The following SLC16A3 variants were observed in gnomAD, a reference collection of about 807,000 sequenced individuals.
SLC16A3 encodes the protein monocarboxylate transporter 4.
A neutral mutation model predicts 25.0 loss-of-function variants in SLC16A3; 22 were observed. The ratio of observed to expected loss-of-function variants is 0.88; its 90% CI spans 0.63 to 1.26. The LOEUF (loss-of-function observed/expected upper bound fraction) is 1.26, where lower values mean the gene tolerates loss of function less well. SLC16A3 is among the 50% of genes most tolerant of loss of function. The probability of loss-of-function intolerance (pLI) is 0.00; values close to 1 mark genes in which losing one functional copy is unlikely to be tolerated. For missense variants in SLC16A3, 731 were observed against 666.6 expected (o/e 1.10, Z -1.06); for synonymous variants, 390 against 309.2 (o/e 1.26, Z -2.74).
At position 82,240,028 on chromosome 17, in the gene SLC16A3, G is replaced by A. The variant is rs759563915; in HGVS notation, c.*1052G>A. 41 of 1,233,820 alleles carry A rather than the reference G, an allele frequency of 3.3e-5. No homozygotes were observed. The highest frequency in any genetic ancestry group is 1.3e-4 in the Admixed American group (3 of 23,730). 76.4% of individuals were successfully genotyped at this position (1,233,820 alleles called of 1,614,324 possible). ...ACGGCAGCGGGTGCCCTGGCGGGCC[G>A]CGTGCAGCCGGAGAGATGCCATGTC... On this transcript the variant is annotated 3_prime_UTR_variant, in exon 5 of 5. Coordinates refer to ENST00000582743, the MANE Select transcript of SLC16A3 (RefSeq NM_004207.4).
rs751924944 is a variant in SLC16A3, at chr17:82,236,086, C to T, written c.78C>T (p.Phe26=). The T allele has an allele frequency of 1.2e-5, 19 of 1,612,856 alleles. No individual in the cohort carries two copies. The highest frequency in any genetic ancestry group is 6.7e-5 in the African/African-American group (5 of 74,946). Residue 26 remains phenylalanine (F), a synonymous_variant, in exon 2 of 5, where the codon TTC becomes TTT. Coordinates refer to ENST00000582743, the MANE Select transcript of SLC16A3 (RefSeq NM_004207.4). ...PDGGWGWAVL[F]GCFVITGFSY... is the part of the protein sequence containing the mutation. ...GCGGCTGGGGCTGGGCCGTGCTCTT[C>T]GGCTGTTTCGTCATCACTGGCTTCT...
chr17:82,226,049 G>A (rs567012500), upstream of SLC16A3, among the ~76,000 whole-genome samples: 89 of 152,020 alleles, frequency 5.9e-4, no homozygotes, highest in Non-Finnish European at 1.2e-3. Flanking sequence ...GTGGGACTGC[G>A]CACCCCAGGG....
At position 82,236,107 on chromosome 17, in the gene SLC16A3, C is replaced by T. The variant is rs1245014395; in HGVS notation, c.99C>T (p.Gly33=). Residue 33 remains glycine, a synonymous_variant, in exon 2 of 5, where the codon GGC becomes GGT. Transcript: ENST00000582743. ...AVLFGCFVIT[G]FSYAFPKAVS... is the part of the protein sequence containing the mutation. ...TCTTCGGCTGTTTCGTCATCACTGG[C>T]TTCTCCTACGCCTTCCCCAAGGCCG... 3 of 1,613,074 alleles carry T rather than the reference C, an allele frequency of 1.9e-6. No homozygotes were observed. The highest frequency in any genetic ancestry group is 2.7e-5 in the African/African-American group (2 of 74,956).
At chr17:82,223,080 A>G (rs529473207) in intron 1 of SLC16A3, among the ~76,000 whole-genome samples, 1 of 152,320 alleles carries the variant, frequency 6.6e-6, no homozygotes, top group South Asian at 2.1e-4. Flanking sequence ...TTTTGAAACT[A>G]GACAGCTGGT....
rs533147045 is a variant in SLC16A3, at chr17:82,223,177, A to AATT, written c.-27+5009_-27+5011dup. On this transcript the variant is annotated intron_variant, in intron 1 of 4. Coordinates refer to the SLC16A3 transcript ENST00000580098. ...TACAAGAGCTCTACCTTAATTAATT[A>AATT]ATTATTATTATTATTATTTCTGAGA... is the stretch of plus-strand genomic sequence containing the variant. Among the ~76,000 whole-genome samples the AATT allele has an allele frequency of 4.6e-5, 7 of 151,874 alleles. No homozygotes were observed. In the East Asian group the frequency reaches 5.8e-4, roughly 13 times the overall value.
rs115305986 is a variant in SLC16A3 at position 82,234,437 on chromosome 17, T to A, written c.-26-1546T>A. 9.5e-3 allele frequency: 1,441 copies of A among 152,150 alleles called. 22 individuals are homozygous for A. Among genetic ancestry groups the A allele is most frequent in the African/African-American group, 0.033 (1,372 of 41,462 alleles). 9.4% of individuals were successfully genotyped at this position (152,150 alleles called of 1,614,324 possible). On this transcript the variant is annotated intron_variant, in intron 1 of 4. Coordinates refer to ENST00000582743, the MANE Select transcript of SLC16A3 (RefSeq NM_004207.4). ...GTTGGGGGGTGGACCTCTGGCTCTG[T>A]GGGGGGGTCTGTTCTGCTCCAGTGG...
intron 1 of SLC16A3, among the ~76,000 whole-genome samples, chr17:82,232,918 C>CGGGCG (rs1555787460): frequency 3.4e-4 from 16 of 47,246 alleles, no homozygotes; most frequent in Non-Finnish European, 5.6e-4. Context: ...TGGGGGGCGG[C>CGGGCG]GGGGGGGGGG....
chr17:82,233,994 CTG>C (rs1568535887), intron 1 of SLC16A3: 6 of 152,346 alleles, frequency 3.9e-5, no homozygotes, highest in South Asian at 2.1e-4. Context: ...GCGCCTGCCA[CTG>C]CGCCCAGCTA....
At chr17:82,222,237 C>T in intron 1 of SLC16A3, among the ~76,000 whole-genome samples, 3 of 111,326 alleles carry the variant, frequency 2.7e-5, no homozygotes, top group Admixed American at 9.1e-5. Flanking sequence ...ACTCCGCTCC[C>T]ACGTTCGTGG....
rs1274049134 is a variant in SLC16A3 at position 82,236,056 on chromosome 17, T to G, written c.48T>G (p.Pro16=). 1.2e-6 allele frequency: 2 copies of G among 1,612,774 alleles called. No individual in the cohort carries two copies. The highest frequency in any genetic ancestry group is 8.5e-7 in the Non-Finnish European group (1 of 1,179,828). ...VDEGPTGVKA[P]DGGWGWAVLF... is the part of the protein sequence containing the mutation. Reference sequence around the variant, plus strand: ...AGGGCCCCACAGGCGTCAAGGCCCCTGACGGCGGCTGGGGCTGGGCCGTGC... The same window carrying G: ...AGGGCCCCACAGGCGTCAAGGCCCCGGACGGCGGCTGGGGCTGGGCCGTGC... The change falls in exon 2 of 5, where the codon CCT becomes CCG. Residue 16 remains proline, a synonymous_variant. Coordinates refer to ENST00000582743, the MANE Select transcript of SLC16A3 (RefSeq NM_004207.4).
At position 82,235,730 on chromosome 17, in the gene SLC16A3, A is replaced by G. The variant is rs558711130; in HGVS notation, c.-26-253A>G. ...TAATCTGAGTCCTGGCCGAGCCCAA[A>G]AAAGCCACTGCCCTTTAGAGCCAGC... On this transcript the variant is annotated intron_variant, in intron 1 of 4. Transcript: ENST00000582743. The G allele has an allele frequency of 3.8e-5, 20 of 533,114 alleles. 1 individual carries two copies. The highest frequency in any genetic ancestry group is 3.6e-4 in the African/African-American group (19 of 52,830). The allele number at this position is 533,114 out of a possible 1,614,324, so 33.0% of individuals were successfully genotyped here. A position where few individuals can be genotyped will look rare whatever the true frequency, so the allele number is the denominator to read the frequency against.
At chr17:82,229,585 G>C (rs555853818) in intron 1 of SLC16A3, 15 of 152,552 alleles carry the variant, frequency 9.8e-5, no homozygotes, top group African/African-American at 3.6e-4. Flanking sequence ...GCAACACCCT[G>C]AACACTCCCC....
At position 82,236,721 on chromosome 17, in the gene SLC16A3, C is replaced by T. The variant is rs777650791; in HGVS notation, c.224-8C>T. 16 of 1,603,278 alleles carry T rather than the reference C, an allele frequency of 1.0e-5. No individual in the cohort carries two copies. Among genetic ancestry groups the T allele is most frequent in the Middle Eastern group, 1.7e-4 (1 of 5,746 alleles). ...GGCCCGGCCCCTCTCAGCTGCTGCC[C>T]TCTCCAGGTCCGCTCTGCAGTGTGT... On this transcript the variant is annotated splice_region_variant and splice_polypyrimidine_tract_variant and intron_variant, in intron 2 of 4. Coordinates refer to ENST00000582743, the MANE Select transcript of SLC16A3 (RefSeq NM_004207.4).
upstream of SLC16A3, among the ~76,000 whole-genome samples, chr17:82,227,491 C>T (rs991185569): frequency 2.0e-5 from 3 of 152,116 alleles, no homozygotes; most frequent in African/African-American, 4.8e-5. Flanking sequence ...GACCCATTCC[C>T]GCAGCTGTCC....
Position 82,237,707 on chromosome 17 carries a change from T to TCTACGGCGGGCGA in SLC16A3, c.947_959dup (p.Leu321ArgfsTer95), listed in dbSNP as rs750710126. 3.7e-6 allele frequency: 6 copies of TCTACGGCGGGCGA among 1,612,380 alleles called. No homozygotes were observed. Among genetic ancestry groups the TCTACGGCGGGCGA allele is most frequent in the African/African-American group, 1.3e-5 (1 of 75,038 alleles). The stretch of plus-strand genomic sequence containing the variant: ...CAACGGCCTCGCGGACCTGGCGGGT[T>TCTACGGCGGGCGA]CTACGGCGGGCGACTACGGCGGCCT... On this transcript the variant is annotated frameshift_variant, in exon 4 of 5. Transcript: ENST00000582743. LOFTEE classifies it high-confidence loss of function.
chr17:82,229,470 G>C (rs1284177687), intron 1 of SLC16A3: 1 of 152,342 alleles, frequency 6.6e-6, no homozygotes, highest in Admixed American at 6.5e-5. Flanking sequence ...GTGGCGGGGG[G>C]CGCGGGCTAT....
chr17:82,229,156 C>T (rs2147112887), intron 1 of SLC16A3, 50 bp downstream of exon 1: 1 of 151,830 alleles, frequency 6.6e-6, no homozygotes, highest in East Asian at 2.0e-4. Flanking sequence ...AGGAGCTCCC[C>T]CGTGCCGGGC....
chr17:82,236,777 TG>T lies in SLC16A3; in HGVS notation c.273del (p.Met91IlefsTer47). The T allele has an allele frequency of 1.2e-6, 2 of 1,609,074 alleles. No homozygotes were observed. The highest frequency in any genetic ancestry group is 8.5e-7 in the Non-Finnish European group (1 of 1,179,836). ...AACCGCTTTGGCTGCCGGCCCGTCA[TG>T]CTTGTGGGGGGTCTCTTTGCGTCGC... ...CVNRFGCRPV[M>X]LVGGLFASLG... On this transcript the variant is annotated frameshift_variant, in exon 3 of 5. Coordinates refer to ENST00000582743, the MANE Select transcript of SLC16A3 (RefSeq NM_004207.4). LOFTEE classifies it high-confidence loss of function.
At chr17:82,221,884 T>C (rs1002945713) in intron 1 of SLC16A3, among the ~76,000 whole-genome samples, 3 of 151,958 alleles carry the variant, frequency 2.0e-5, no homozygotes, top group African/African-American at 7.3e-5. Flanking sequence ...AACAAACACC[T>C]CCCAGAAAAC....
Sources: allele counts gnomAD v4.1 joint callset (sites outside exome capture counted in the v4.1 genomes callset), GRCh38; gene constraint gnomAD v4.1.1; transcripts MANE v1.5; gene names NCBI Gene and HGNC (gene_info 2026-07-23, HGNC 2026-07-21).